The following SCNN1B variants were observed in gnomAD, a reference collection of about 807,000 sequenced individuals.
The protein encoded by SCNN1B is epithelial sodium channel subunit beta.
In SCNN1B, 46 loss-of-function variants were observed where a neutral mutation model predicts 65.3. The observed-to-expected ratio is 0.70, with a 90% CI of 0.56 to 0.90. The LOEUF is 0.90. Among genes scored for constraint, SCNN1B ranks in the 40% least tolerant of loss-of-function variants. The probability of loss-of-function intolerance (pLI) is 0.00; values close to 1 mark genes in which losing one functional copy is unlikely to be tolerated. For missense variants in SCNN1B, 751 were observed against 830.5 expected (o/e 0.90, Z 1.18); for synonymous variants, 349 against 330.6 (o/e 1.06, Z -0.60).
chr16:23,354,002 A>G (rs900828861), intron 3 of SCNN1B, among the ~76,000 whole-genome samples: 4 of 152,124 alleles, frequency 2.6e-5, no homozygotes, highest in Admixed American at 1.3e-4. Flanking sequence ...CTGATAATCA[A>G]TCTTGGATGG....
intron 4 of SCNN1B, among the ~76,000 whole-genome samples, chr16:23,366,801 G>C (rs1289948527): frequency 6.6e-6 from 1 of 152,196 alleles, no homozygotes; most frequent in African/African-American, 2.4e-5. Context: ...TGGAATTACA[G>C]GCATAAGCCA....
At chr16:23,304,708 C>A (rs1025370758) in intron 1 of SCNN1B, among the ~76,000 whole-genome samples, 12 of 152,160 alleles carry the variant, frequency 7.9e-5, no homozygotes, top group African/African-American at 2.9e-4. Flanking sequence ...ACTGACAGGA[C>A]CCTTAAAAGT....
intron 4 of SCNN1B, among the ~76,000 whole-genome samples, chr16:23,365,541 AAG>A (rs1962636088): frequency 8.6e-6 from 1 of 116,764 alleles, no homozygotes; most frequent in Non-Finnish European, 1.7e-5. Context: ...GAGAGAAGGA[AAG>A]AGAAAGAAGG....
At chr16:23,368,595 T>C (rs1229445632) in intron 5 of SCNN1B, among the ~76,000 whole-genome samples, 1 of 152,096 alleles carries the variant, frequency 6.6e-6, no homozygotes, top group Non-Finnish European at 1.5e-5. Context: ...TAGTATATAG[T>C]AGCAGAGCAG....
At chr16:23,306,001 G>C (rs1241196458) in intron 1 of SCNN1B, among the ~76,000 whole-genome samples, 1 of 152,134 alleles carries the variant, frequency 6.6e-6, no homozygotes, top group Non-Finnish European at 1.5e-5. Context: ...CCAACACTTT[G>C]GGAGGCTGAG....
In SCNN1B at chr16:23,371,212, C is replaced by T. The variant is rs563420832; in HGVS notation, c.881-87C>T. 118 of 1,496,196 alleles carry T rather than the reference C, an allele frequency of 7.9e-5. No individual in the cohort carries two copies. The Admixed American group carries it at 1.1e-3, about 14-fold the overall frequency. 92.7% of individuals were successfully genotyped at this position (1,496,196 alleles called of 1,614,324 possible). ...TGGCGGTCCCTGGAGGTCCCCTGGC[C>T]GGAGGGAGCTTGGAGAAGTGGGTAG... On this transcript the variant is annotated intron_variant, in intron 5 of 12. Transcript: ENST00000343070.
intron 1 of SCNN1B, among the ~76,000 whole-genome samples, chr16:23,342,412 T>C (rs1278939269): frequency 6.6e-6 from 1 of 152,196 alleles, no homozygotes; most frequent in African/African-American, 2.4e-5. Flanking sequence ...CACACCCGGC[T>C]AATTTTGTAT....
chr16:23,373,757 G>A (rs775815342), intron 7 of SCNN1B, among the ~76,000 whole-genome samples: 1 of 152,162 alleles, frequency 6.6e-6, no homozygotes, highest in Non-Finnish European at 1.5e-5. Context: ...TTGCCTGGCT[G>A]GTTTGGCCAC....
At chr16:23,310,776 T>C (rs1218148330) in intron 1 of SCNN1B, among the ~76,000 whole-genome samples, 2 of 152,202 alleles carry the variant, frequency 1.3e-5, no homozygotes, top group Non-Finnish European at 2.9e-5. Flanking sequence ...AGAAAAGAAG[T>C]GTACATTGAA....
rs765587290 is a variant in SCNN1B at position 23,380,102 on chromosome 16, T to C, written c.1475T>C (p.Ile492Thr). The C allele has an allele frequency of 2.6e-5, 42 of 1,613,794 alleles. No individual in the cohort carries two copies. Among genetic ancestry groups the C allele is most frequent in the Non-Finnish European group, 3.2e-5 (38 of 1,179,852 alleles). Residue 492 changes from isoleucine to threonine, a missense_variant, in exon 12 of 13, where the codon ATT (isoleucine) becomes ACT (threonine). By Grantham distance (89) the Ile-to-Thr change is moderately conservative (BLOSUM62 -1). Coordinates refer to ENST00000343070, the MANE Select transcript of SCNN1B (RefSeq NM_000336.3). The surrounding 1 kb of genome is among the most constrained non-coding windows in gnomAD (Gnocchi z 5.4). ...STNITLSRKGIVKLNIYFQEF... is the reference protein window; with the variant it reads ...STNITLSRKGTVKLNIYFQEF... ...CTCGCTGCCTCCTGCAGGAAGGGAA[T>C]TGTCAAGCTCAACATCTACTTCCAA...
chr16:23,360,673 G>A (rs1054918803), intron 4 of SCNN1B, among the ~76,000 whole-genome samples: 2 of 139,604 alleles, frequency 1.4e-5, no homozygotes, highest in African/African-American at 2.7e-5. Flanking sequence ...TCCACTCACT[G>A]CAACCTCTGC....
intron 1 of SCNN1B, among the ~76,000 whole-genome samples, chr16:23,324,438 A>G (rs1379694054): frequency 2.0e-5 from 3 of 152,108 alleles, no homozygotes; most frequent in African/African-American, 7.2e-5. Flanking sequence ...CCTGGCTTCA[A>G]GCAATCCTCC....
chr16:23,345,009 AAGAGAGAG>A (rs112886828), intron 1 of SCNN1B, among the ~76,000 whole-genome samples: 16 of 148,810 alleles, frequency 1.1e-4, no homozygotes, highest in Admixed American at 6.7e-4. Flanking sequence ...AGGAGAGAGA[AAGAGAGAG>A]AGAGAGAGAG....
intron 2 of SCNN1B, among the ~76,000 whole-genome samples, chr16:23,290,532 G>A (rs1185594156): frequency 6.6e-6 from 1 of 152,094 alleles, no homozygotes; most frequent in African/African-American, 2.4e-5. Context: ...GTTCTCAAAC[G>A]CCTGGACTCA....
chr16:23,320,832 T>C (rs1169747203), intron 1 of SCNN1B, among the ~76,000 whole-genome samples: 1 of 152,164 alleles, frequency 6.6e-6, no homozygotes, highest in Non-Finnish European at 1.5e-5. Context: ...CAGAGAGCTG[T>C]GGCTGCTGCA....
rs368639028 is a variant in SCNN1B at position 23,375,870 on chromosome 16, G to A, written c.1270+15G>A. On this transcript the variant is annotated intron_variant, in intron 8 of 12. Transcript: ENST00000343070. ...CCCAGACTGGGGTGAGCGGGGGCAC[G>A]GGGGATCGGCACTCCAGCCATCTGG... The A allele has an allele frequency of 1.4e-5, 22 of 1,536,424 alleles. No individual in the cohort carries two copies. In the Admixed American group the frequency reaches 1.5e-4, roughly 10 times the overall value.
chr16:23,318,506 G>A (rs889607319), intron 1 of SCNN1B, among the ~76,000 whole-genome samples: 3 of 152,224 alleles, frequency 2.0e-5, no homozygotes, highest in Admixed American at 6.5e-5. Context: ...CTACTCAGGA[G>A]GCTGAGACAG....
At position 23,305,583 on chromosome 16, in the gene SCNN1B, A is replaced by AAAAATATTT. The variant is rs1567290527; in HGVS notation, c.-9+3146_-9+3147insAAAATATTT. ...ATATATATATATATATATATTATAT[A>AAAAATATTT]TATATATATATATATAACCTGGGTG... On this transcript the variant is annotated intron_variant, in intron 1 of 12. Transcript: ENST00000343070. 1.5e-4 allele frequency among the ~76,000 whole-genome samples: 14 copies of AAAAATATTT among 93,180 alleles called. 1 individual carries two copies. Among genetic ancestry groups the AAAAATATTT allele is most frequent in the African/African-American group, 5.0e-4 (12 of 23,808 alleles). The allele number at this position is 93,180 out of a possible 152,430, so 61.1% of individuals were successfully genotyped here. A position where few individuals can be genotyped will look rare whatever the true frequency, so the allele number is the denominator to read the frequency against.
intron 5 of SCNN1B, among the ~76,000 whole-genome samples, chr16:23,368,295 T>G (rs1450223542): frequency 6.6e-6 from 1 of 151,920 alleles, no homozygotes; most frequent in Non-Finnish European, 1.5e-5. Context: ...TCCCAACACT[T>G]TGGGAGGCCG....
Sources: allele counts gnomAD v4.1 joint callset (sites outside exome capture counted in the v4.1 genomes callset), GRCh38; gene constraint gnomAD v4.1.1; non-coding constraint Gnocchi (gnomAD v3.1); transcripts MANE v1.5; gene names NCBI Gene and HGNC (gene_info 2026-07-23, HGNC 2026-07-21).